TNRC6B: variants seen among roughly 807,000 people sequenced by gnomAD.
TNRC6B encodes the protein trinucleotide repeat containing adaptor 6B, also known as trinucleotide repeat-containing gene 6B protein.
In TNRC6B, 52 loss-of-function variants were observed where a neutral mutation model predicts 203.6. The observed-to-expected ratio is 0.26, with a 90% CI of 0.20 to 0.32. The LOEUF (loss-of-function observed/expected upper bound fraction) is 0.32, where lower values mean the gene tolerates loss of function less well. Among genes scored for constraint, TNRC6B ranks in the 10% least tolerant of loss-of-function variants. The probability of loss-of-function intolerance (pLI) is 1.00; values close to 1 mark genes in which losing one functional copy is unlikely to be tolerated. For missense variants in TNRC6B, 1,923 were observed against 2,286.2 expected, an observed-to-expected ratio of 0.84 and a Z score of 3.24; for synonymous variants, 838 against 845.7, an observed-to-expected ratio of 0.99 and a Z score of 0.16.
At chr22:40,130,233 C>G (rs1214937870) in intron 3 of TNRC6B, among the ~76,000 whole-genome samples, 1 of 152,122 alleles carries the variant, frequency 6.6e-6, no homozygotes, top group Admixed American at 6.5e-5. Context: ...TAACGGGCCT[C>G]GTACTGCAGT....
At chr22:40,287,534 C>T (rs868539756) in intron 12 of TNRC6B, among the ~76,000 whole-genome samples, 1 of 152,158 alleles carries the variant, frequency 6.6e-6, no homozygotes, top group African/African-American at 2.4e-5. Flanking sequence ...GGCACCTCTC[C>T]TCTTCTTTCC....
chr22:40,061,016 A>G (rs1326957960), intron 1 of TNRC6B, among the ~76,000 whole-genome samples: 1 of 152,214 alleles, frequency 6.6e-6, no homozygotes, highest in Non-Finnish European at 1.5e-5. Context: ...CCCAGATGCC[A>G]CCCAAGAGCC....
chr22:40,285,015 T>C (rs142675921), intron 11 of TNRC6B, among the ~76,000 whole-genome samples: 1 of 152,198 alleles, frequency 6.6e-6, no homozygotes, highest in Non-Finnish European at 1.5e-5. Flanking sequence ...TAGACTGATA[T>C]GTGTTTGAAT....
At chr22:40,143,752 A>C (rs138046353) in intron 3 of TNRC6B, among the ~76,000 whole-genome samples, 1 of 152,142 alleles carries the variant, frequency 6.6e-6, no homozygotes, top group Non-Finnish European at 1.5e-5. Flanking sequence ...CGCCTTGGCC[A>C]CCCAAAGTGT....
In TNRC6B at chr22:40,280,018, G is replaced by A; in HGVS notation, c.3286G>A (p.Asp1096Asn). 2 of 1,613,872 alleles carry A rather than the reference G, an allele frequency of 1.2e-6. No homozygotes were observed. The highest frequency in any genetic ancestry group is 1.7e-6 in the Non-Finnish European group (2 of 1,179,836). ...SVGSLSDKKF[D>N]VDKRAMNLGD... is the part of the protein sequence containing the mutation. ...AGGAAGCCTTTCAGATAAAAAATTTGATGTGGACAAGCGAGCGATGAATCT... is the reference window on the plus strand; with the variant it reads ...AGGAAGCCTTTCAGATAAAAAATTTAATGTGGACAAGCGAGCGATGAATCT... The change falls in exon 10 of 23, where the codon GAT (aspartate) becomes AAT (asparagine). Residue 1096 changes from aspartate (D) to asparagine (N), a missense_variant. Physicochemically the swap from Asp to Asn is conservative, Grantham distance 23. This residue lies in a region of TNRC6B where 599 missense variants were observed against 656.5 expected (regional missense o/e 0.91). Coordinates refer to ENST00000454349, the MANE Select transcript of TNRC6B (RefSeq NM_001162501.2).
At chr22:40,244,375 C>G (rs1345150744) in intron 1 of TNRC6B, among the ~76,000 whole-genome samples, 2 of 152,016 alleles carry the variant, frequency 1.3e-5, no homozygotes, top group African/African-American at 4.8e-5. Flanking sequence ...GCTTTTATAT[C>G]TTTATACCCA....
intron 1 of TNRC6B, among the ~76,000 whole-genome samples, chr22:40,195,633 C>G (rs1380766705): frequency 6.6e-6 from 1 of 152,150 alleles, no homozygotes; most frequent in Non-Finnish European, 1.5e-5. Context: ...CTAAATTTTT[C>G]TGTAGAGACG....
chr22:40,154,878 TATATATATATATATATAC>T (rs1409273588), intron 3 of TNRC6B, among the ~76,000 whole-genome samples: 1,800 of 69,624 alleles, frequency 0.026, 54 homozygotes, highest in African/African-American at 0.044. Context: ...TATATATATA[TATATATATATATATATAC>T]ATATATATAT....
At chr22:40,115,278 C>T (rs1031206332) in intron 1 of TNRC6B, among the ~76,000 whole-genome samples, 2 of 152,126 alleles carry the variant, frequency 1.3e-5, no homozygotes, top group African/African-American at 2.4e-5. Flanking sequence ...TTAACCTAAG[C>T]GGGAAACTTT....
At chr22:40,173,587 T>C (rs995834406), upstream of TNRC6B, among the ~76,000 whole-genome samples, 1 of 150,372 alleles carries the variant, frequency 6.7e-6, no homozygotes, top group Non-Finnish European at 1.5e-5. Flanking sequence ...TGACTTTTTT[T>C]ATTTTTTTGT....
chr22:40,279,942 A>T (rs1470019387), intron 9 of TNRC6B, 53 bp from the exon 10 acceptor site: 1 of 1,584,714 alleles, frequency 6.3e-7, no homozygotes, highest in Non-Finnish European at 8.7e-7. Context: ...CTCTTGGTTC[A>T]TGGGGGAAAC....
chr22:40,112,273 G>T (rs1287582914), intron 1 of TNRC6B, among the ~76,000 whole-genome samples: 2 of 152,166 alleles, frequency 1.3e-5, no homozygotes, highest in Non-Finnish European at 2.9e-5. Flanking sequence ...GGCCCTTCCA[G>T]GGGGGTGGGT....
intron 15 of TNRC6B, among the ~76,000 whole-genome samples, chr22:40,304,632 G>C (rs796319412): frequency 5.3e-5 from 8 of 152,272 alleles, no homozygotes; most frequent in African/African-American, 1.9e-4. Flanking sequence ...AAATAAGATG[G>C]TAGCGAAAAT....
chr22:40,306,149 C>T (rs1041112601), intron 15 of TNRC6B, among the ~76,000 whole-genome samples: 5 of 151,924 alleles, frequency 3.3e-5, no homozygotes, highest in Admixed American at 6.6e-5. Context: ...AAAAAATCAG[C>T]GAGTGTGGTG....
rs533505979 is a variant in TNRC6B at position 40,312,476 on chromosome 22, T to A, written c.4436-29T>A. On this transcript the variant is annotated intron_variant, in intron 17 of 22. Coordinates refer to ENST00000454349, the MANE Select transcript of TNRC6B (RefSeq NM_001162501.2). ...TATCATTTTTTTTTAACGACCTTCC[T>A]TCTCTAATATTTGTTTTCCTTGTCT... 94 of 1,593,540 alleles carry A rather than the reference T, an allele frequency of 5.9e-5. No homozygotes were observed. The Middle Eastern group carries it at 8.4e-4, about 14-fold the overall frequency.
intron 16 of TNRC6B, 59 bp downstream of exon 16, chr22:40,308,708 TTA>T: frequency 6.5e-7 from 1 of 1,534,084 alleles, no homozygotes; most frequent in Non-Finnish European, 8.8e-7. Context: ...ATGAAACATC[TTA>T]TAAGACTATT....
intron 4 of TNRC6B, among the ~76,000 whole-genome samples, chr22:40,163,278 T>G (rs73418618): frequency 0.045 from 6,671 of 148,848 alleles, 479 homozygotes; most frequent in African/African-American, 0.16. Context: ...GCTGAGCGTG[T>G]TGTTGTGTGC....
intron 1 of TNRC6B, among the ~76,000 whole-genome samples, chr22:40,075,650 C>T (rs2068006762): frequency 6.6e-6 from 1 of 151,934 alleles, no homozygotes; most frequent in Non-Finnish European, 1.5e-5. Context: ...TTAAGTTTAT[C>T]ATTTTGCTGT....
At chr22:40,078,187 A>T (rs920617384) in intron 1 of TNRC6B, among the ~76,000 whole-genome samples, 16 of 152,338 alleles carry the variant, frequency 1.1e-4, no homozygotes, top group African/African-American at 3.8e-4. Flanking sequence ...CTACTGTACT[A>T]CTGGAAGACT....
Sources: gnomAD v4.1 joint callset for allele counts (sites outside exome capture counted in the v4.1 genomes callset) on GRCh38, gnomAD v4.1.1 for gene constraint, gnomAD v4.1.1 regional missense constraint, MANE v1.5 for transcripts, NCBI Gene and HGNC (gene_info 2026-07-23, HGNC 2026-07-21) for gene names.